TUSC3: variants seen among roughly 807,000 people sequenced by gnomAD.
TUSC3 encodes tumor suppressor candidate 3, also known as dolichyl-diphosphooligosaccharide--protein glycosyltransferase subunit TUSC3.
A neutral mutation model predicts 44.8 loss-of-function variants in TUSC3; 45 were observed. That is an observed-to-expected ratio of 1.00 (90% CI 0.79 to 1.29). TUSC3 has a LOEUF of 1.29. Ranked by LOEUF, TUSC3 falls within the 50% of genes most tolerant of loss-of-function variation. The probability of loss-of-function intolerance (pLI) is 0.00; values close to 1 mark genes in which losing one functional copy is unlikely to be tolerated. For synonymous variants in TUSC3, 212 were observed against 152.9 expected, an observed-to-expected ratio of 1.39 and a Z score of -2.85; for missense variants, 519 against 437.9, an observed-to-expected ratio of 1.19 and a Z score of -1.65.
In TUSC3 at chr8:15,480,239, A is replaced by G. The variant is rs186066342; in HGVS notation, n.92-3147A>G. Among the ~76,000 whole-genome samples, 510 of 152,300 alleles carry G rather than the reference A, an allele frequency of 3.3e-3. 3 individuals carry two copies. Among genetic ancestry groups the G allele is most frequent in the African/African-American group, 0.012 (494 of 41,576 alleles). On this transcript the variant is annotated intron_variant and non_coding_transcript_variant, in intron 1 of 5. Coordinates refer to the TUSC3 transcript ENST00000503191. ...CAAGGATAGGAAGAATCAACAACAT[A>G]AAAATGCCCATATTGCCCAAAGTAA...
chr8:15,702,200 T>C (rs1057105290), intron 6 of TUSC3, among the ~76,000 whole-genome samples: 1 of 152,148 alleles, frequency 6.6e-6, no homozygotes, highest in African/African-American at 2.4e-5. Context: ...AAAAGACTTT[T>C]CATAGGTACT....
rs1384372647 is a variant in TUSC3 at position 15,733,909 on chromosome 8, T to A, written c.862+3180T>A. On this transcript the variant is annotated intron_variant, in intron 7 of 10. Coordinates refer to ENST00000503731, the MANE Select transcript of TUSC3 (RefSeq NM_006765.4). ...AAATTACAAAATTAGCCAGATGTGA[T>A]GGCATACACCTGTGGTTCTAGCTAC... 3.3e-5 allele frequency among the ~76,000 whole-genome samples: 5 copies of A among 152,246 alleles called. No homozygotes were observed. In the East Asian group the frequency reaches 9.7e-4, roughly 29 times the overall value.
the TUSC3 span, among the ~76,000 whole-genome samples, chr8:15,832,244 G>C: frequency 6.6e-6 from 1 of 152,128 alleles, no homozygotes; most frequent in East Asian, 1.9e-4. Flanking sequence ...AGCAAATACT[G>C]AGGGAATTCA....
At chr8:15,573,168 T>TCTCTCTC (rs1563296867) in intron 1 of TUSC3, among the ~76,000 whole-genome samples, 47 of 85,534 alleles carry the variant, frequency 5.5e-4, no homozygotes, top group African/African-American at 1.1e-3. Context: ...TTCTCTCTCT[T>TCTCTCTC]TCTCTCTCTC....
chr8:15,803,617 C>T, the TUSC3 span, among the ~76,000 whole-genome samples: 4 of 152,164 alleles, frequency 2.6e-5, no homozygotes, highest in African/African-American at 9.7e-5. Context: ...CATGGGTATA[C>T]ACCTGCCATG....
chr8:15,823,881 A>G, the TUSC3 span, among the ~76,000 whole-genome samples: 1 of 152,226 alleles, frequency 6.6e-6, no homozygotes, highest in Non-Finnish European at 1.5e-5. Flanking sequence ...TCCGTAAAGC[A>G]TTATTTATTA....
the TUSC3 span, among the ~76,000 whole-genome samples, chr8:15,817,438 T>G: frequency 1.3e-5 from 2 of 152,160 alleles, no homozygotes; most frequent in Non-Finnish European, 2.9e-5. Context: ...TGGTTTGGCT[T>G]GGTCTCCACC....
At chr8:15,490,665 G>C (rs1800796406) in intron 2 of TUSC3, among the ~76,000 whole-genome samples, 1 of 152,186 alleles carries the variant, frequency 6.6e-6, no homozygotes, top group Non-Finnish European at 1.5e-5. Flanking sequence ...AAGAGATGCT[G>C]ATTTATGTGT....
chr8:15,818,975 G>A, the TUSC3 span, among the ~76,000 whole-genome samples: 5 of 152,014 alleles, frequency 3.3e-5, 1 homozygote, highest in South Asian at 1.0e-3. Context: ...TATACTCCTG[G>A]TGCCTTGGGA....
chr8:15,644,836 AG>A (rs1210579742), intron 2 of TUSC3, among the ~76,000 whole-genome samples: 1 of 152,086 alleles, frequency 6.6e-6, no homozygotes, highest in Non-Finnish European at 1.5e-5. Flanking sequence ...AGCAGAAAAA[AG>A]CCCCCATTTG....
At chr8:15,475,240 A>G (rs1800559784) in intron 1 of TUSC3, among the ~76,000 whole-genome samples, 1 of 152,142 alleles carries the variant, frequency 6.6e-6, no homozygotes, top group South Asian at 2.1e-4. Flanking sequence ...ATGATCCTAG[A>G]GACATAGAGA....
At chr8:15,761,481 G>A (rs1812167239) in intron 10 of TUSC3, among the ~76,000 whole-genome samples, 1 of 152,146 alleles carries the variant, frequency 6.6e-6, no homozygotes. Context: ...TATCCCTTGT[G>A]TGCGATTTGC....
Position 15,602,588 on chromosome 8 carries a change from G to A in TUSC3, c.139-20492G>A, listed in dbSNP as rs906791170. Among the ~76,000 whole-genome samples the A allele has an allele frequency of 2.6e-5, 4 of 151,382 alleles. No individual in the cohort carries two copies. The East Asian group carries it at 7.7e-4, about 29-fold the overall frequency. On this transcript the variant is annotated intron_variant, in intron 1 of 10. Coordinates refer to ENST00000503731, the MANE Select transcript of TUSC3 (RefSeq NM_006765.4). ...CACAAGTACCTGTCTTTGTGATACTGTGCAAATTGCCTAATCTTGTTGAAT... is the reference window on the plus strand; with the variant it reads ...CACAAGTACCTGTCTTTGTGATACTATGCAAATTGCCTAATCTTGTTGAAT...
chr8:15,755,113 C>G (rs1811869088), intron 9 of TUSC3, among the ~76,000 whole-genome samples: 2 of 152,092 alleles, frequency 1.3e-5, no homozygotes, highest in South Asian at 4.1e-4. Flanking sequence ...TTACTAAATT[C>G]TCTCAGATTG....
intron 7 of TUSC3, among the ~76,000 whole-genome samples, chr8:15,741,224 A>G (rs777331850): frequency 3.3e-5 from 5 of 152,196 alleles, no homozygotes; most frequent in Non-Finnish European, 7.3e-5. Context: ...CTTTACTCCC[A>G]TTAAAACTGT....
rs773518258 is a variant in TUSC3 at position 15,625,809 on chromosome 8, C to T, written c.308+2560C>T. 2.6e-5 allele frequency among the ~76,000 whole-genome samples: 4 copies of T among 152,126 alleles called. No homozygotes were observed. The East Asian group carries it at 5.8e-4, about 22-fold the overall frequency. On this transcript the variant is annotated intron_variant, in intron 2 of 10. Transcript: ENST00000503731. ...ACCTAATAATGAGTGTATGTTGGGGCATGGTTAAAAGTGAGTAGAGAACAT... is the reference window on the plus strand; with the variant it reads ...ACCTAATAATGAGTGTATGTTGGGGTATGGTTAAAAGTGAGTAGAGAACAT...
intron 2 of TUSC3, among the ~76,000 whole-genome samples, chr8:15,522,236 G>GT (rs539662664): frequency 0.057 from 8,269 of 145,172 alleles, 269 homozygotes; most frequent in Middle Eastern, 0.12. Flanking sequence ...TCAGCCCTTT[G>GT]TTTTTTTTTT....
At chr8:15,791,808 C>CATAAA in the TUSC3 span, among the ~76,000 whole-genome samples, 1 of 152,106 alleles carries the variant, frequency 6.6e-6, no homozygotes, top group Non-Finnish European at 1.5e-5. Flanking sequence ...TTTGTATCTT[C>CATAAA]ATAAAATAAG....
intron 1 of TUSC3, among the ~76,000 whole-genome samples, chr8:15,458,458 C>G (rs1423164808): frequency 1.3e-5 from 2 of 152,110 alleles, no homozygotes; most frequent in African/African-American, 2.4e-5. Flanking sequence ...AGGCTGGTCT[C>G]AAACTCCTGA....
Sources: gnomAD v4.1 joint callset for allele counts (sites outside exome capture counted in the v4.1 genomes callset) on GRCh38, gnomAD v4.1.1 for gene constraint, MANE v1.5 for transcripts, NCBI Gene and HGNC (gene_info 2026-07-23, HGNC 2026-07-21) for gene names.